WDPCP: variants seen among roughly 807,000 people sequenced by gnomAD.
WDPCP encodes the protein WD repeat containing planar cell polarity effector.
In WDPCP, 71 loss-of-function variants were observed where a neutral mutation model predicts 93.1. The ratio of observed to expected loss-of-function variants is 0.76; its 90% CI spans 0.63 to 0.93. The LOEUF is 0.93. Ranked by LOEUF, WDPCP falls within the 40% of genes least tolerant of loss-of-function variation. WDPCP has a pLI of 0.00. For synonymous variants in WDPCP, 315 were observed against 315.0 expected (o/e 1.00, Z 0.00); for missense variants, 844 against 887.4 (o/e 0.95, Z 0.62).
chr2:63,587,668 G>T (rs1326307318), intron 1 of WDPCP, among the ~76,000 whole-genome samples: 1 of 152,156 alleles, frequency 6.6e-6, no homozygotes, highest in Non-Finnish European at 1.5e-5. Context: ...CTTTCAAAAA[G>T]CACAGCAATT....
intron 2 of WDPCP, among the ~76,000 whole-genome samples, chr2:63,767,408 A>G (rs754384998): frequency 6.6e-6 from 1 of 152,168 alleles, no homozygotes; most frequent in Non-Finnish European, 1.5e-5. Flanking sequence ...TAACTTTTTA[A>G]AAAGCTGCTA....
At chr2:63,678,593 C>T (rs1274130932) in intron 2 of WDPCP, among the ~76,000 whole-genome samples, 1 of 152,202 alleles carries the variant, frequency 6.6e-6, no homozygotes, top group East Asian at 1.9e-4. Context: ...TTTTGTACTG[C>T]AGAGGCTAGG....
At chr2:63,776,655 C>CAAAA (rs778768889) in intron 2 of WDPCP, among the ~76,000 whole-genome samples, 4 of 54,010 alleles carry the variant, frequency 7.4e-5, no homozygotes, top group Middle Eastern at 8.9e-3. Flanking sequence ...GGCCCTGTCT[C>CAAAA]AAAAAAAAAA....
At chr2:63,500,318 GC>G (rs1701461271) in intron 1 of WDPCP, among the ~76,000 whole-genome samples, 1 of 152,158 alleles carries the variant, frequency 6.6e-6, no homozygotes, top group African/African-American at 2.4e-5. Flanking sequence ...AGAGAGTAAA[GC>G]CATTGAGTAA....
At chr2:63,733,227 C>T (rs1238486127) in intron 2 of WDPCP, among the ~76,000 whole-genome samples, 1 of 117,702 alleles carries the variant, frequency 8.5e-6, no homozygotes, top group Admixed American at 1.1e-4. Context: ...GAGTCTCGCT[C>T]TGTCGCCCAG....
chr2:63,270,938 A>G (rs892972614), intron 13 of WDPCP, among the ~76,000 whole-genome samples: 1 of 152,218 alleles, frequency 6.6e-6, no homozygotes, highest in Non-Finnish European at 1.5e-5. Flanking sequence ...CCCAGTCACA[A>G]GAAATGATAT....
In WDPCP at chr2:63,224,420, C is replaced by T. The variant is rs528478149; in HGVS notation, c.1915+34887G>A. Among the ~76,000 whole-genome samples, 5 of 152,090 alleles carry T rather than the reference C, an allele frequency of 3.3e-5. No homozygotes were observed. In the South Asian group the frequency reaches 1.0e-3, roughly 31 times the overall value. ...ACCCAAGGGAACTGAAAACTTATGTCCACACAAAATCCTGCACACAGATAT... is the reference window on the plus strand; with the variant it reads ...ACCCAAGGGAACTGAAAACTTATGTTCACACAAAATCCTGCACACAGATAT... On this transcript the variant is annotated intron_variant, in intron 14 of 17. Transcript: ENST00000272321.
At chr2:63,178,408 T>C (rs1468164868) in intron 14 of WDPCP, among the ~76,000 whole-genome samples, 3 of 152,208 alleles carry the variant, frequency 2.0e-5, no homozygotes, top group African/African-American at 7.2e-5. Context: ...GTCCAGATTA[T>C]GTAATTCTTC....
chr2:63,450,828 A>C (rs562506751), intron 6 of WDPCP, among the ~76,000 whole-genome samples: 1 of 152,210 alleles, frequency 6.6e-6, no homozygotes, highest in South Asian at 2.1e-4. Context: ...AAGAGAATTG[A>C]TATAACTTCA....
At chr2:63,402,357 C>T (rs1445322852) in intron 10 of WDPCP, among the ~76,000 whole-genome samples, 1 of 152,050 alleles carries the variant, frequency 6.6e-6, no homozygotes, top group African/African-American at 2.4e-5. Flanking sequence ...GGACAAATAC[C>T]TAATGCATGC....
chr2:63,806,177 C>T (rs183273856), intron 2 of WDPCP, among the ~76,000 whole-genome samples: 2 of 152,102 alleles, frequency 1.3e-5, no homozygotes, highest in African/African-American at 4.8e-5. Context: ...CTGATATTCA[C>T]GTAGGTTCTT....
intron 3 of WDPCP, chr2:63,622,740 C>A: frequency 6.2e-7 from 1 of 1,613,228 alleles, no homozygotes; most frequent in Non-Finnish European, 8.5e-7. Flanking sequence ...GACATGTTTG[C>A]TATAGGGATT....
intron 17 of WDPCP, among the ~76,000 whole-genome samples, chr2:63,132,533 CT>C: frequency 6.9e-6 from 1 of 145,956 alleles, no homozygotes; most frequent in African/African-American, 2.5e-5. Flanking sequence ...TTCTTTTGTT[CT>C]TTTTGTACCT....
At chr2:63,664,444 C>T (rs1710262111) in intron 2 of WDPCP, among the ~76,000 whole-genome samples, 1 of 152,184 alleles carries the variant, frequency 6.6e-6, no homozygotes, top group Non-Finnish European at 1.5e-5. Flanking sequence ...GCTGCAACTG[C>T]CCCTGGATAC....
intron 17 of WDPCP, among the ~76,000 whole-genome samples, chr2:63,150,790 A>G (rs919542904): frequency 6.6e-6 from 1 of 152,212 alleles, no homozygotes; most frequent in Non-Finnish European, 1.5e-5. Flanking sequence ...ATTAAGAGAA[A>G]TATGTTGAAA....
At chr2:63,550,744 TATGTGTATATATATAC>T (rs1705561283) in intron 1 of WDPCP, among the ~76,000 whole-genome samples, 2 of 147,224 alleles carry the variant, frequency 1.4e-5, no homozygotes, top group South Asian at 2.1e-4. Flanking sequence ...TGTGCATATG[TATGTGTATATATATAC>T]ACATATATAT....
At chr2:63,501,218 A>G (rs1701526849) in intron 1 of WDPCP, among the ~76,000 whole-genome samples, 1 of 152,200 alleles carries the variant, frequency 6.6e-6, no homozygotes. Flanking sequence ...TCAAAATACT[A>G]TCTAAGTCCC....
intron 13 of WDPCP, among the ~76,000 whole-genome samples, chr2:63,290,617 T>C (rs1011870442): frequency 6.6e-6 from 1 of 152,138 alleles, no homozygotes; most frequent in Non-Finnish European, 1.5e-5. Context: ...AATTTCAATT[T>C]AATTTCACTA....
Position 63,464,704 on chromosome 2 carries a change from GA to G in WDPCP, c.384+19899del, listed in dbSNP as rs1210546139. Among the ~76,000 whole-genome samples the G allele has an allele frequency of 2.0e-5, 3 of 151,942 alleles. 1 individual carries two copies. The highest frequency in any genetic ancestry group is 7.3e-5 in the African/African-American group (3 of 41,372). The stretch of plus-strand genomic sequence containing the variant: ...CATACACTGGAACATTATTCAGCCT[GA>G]AAAAAAGAAGGAAATCTTGTCACAT... On this transcript the variant is annotated intron_variant, in intron 6 of 17. Coordinates refer to ENST00000272321, the MANE Select transcript of WDPCP (RefSeq NM_015910.7).
Sources: allele counts gnomAD v4.1 joint callset (sites outside exome capture counted in the v4.1 genomes callset), GRCh38; gene constraint gnomAD v4.1.1; transcripts MANE v1.5; gene names NCBI Gene and HGNC (gene_info 2026-07-23, HGNC 2026-07-21).